Variants in CD2AP observed in about 807,000 individuals in gnomAD.
CD2AP encodes CD2-associated protein.
A neutral mutation model predicts 85.1 loss-of-function variants in CD2AP; 46 were observed. The observed-to-expected ratio is 0.54, with a 90% CI of 0.43 to 0.69. CD2AP has a LOEUF of 0.69. Among genes scored for constraint, CD2AP ranks in the 30% least tolerant of loss-of-function variants. CD2AP has a pLI of 0.00. For synonymous variants in CD2AP, 255 were observed against 252.9 expected, an observed-to-expected ratio of 1.01 and a Z score of -0.08; for missense variants, 769 against 729.5, an observed-to-expected ratio of 1.05 and a Z score of -0.62.
intron 2 of CD2AP, among the ~76,000 whole-genome samples, chr6:47,521,069 T>G (rs190868590): frequency 1.4e-4 from 22 of 152,178 alleles, no homozygotes; most frequent in African/African-American, 3.9e-4. Flanking sequence ...TTTTTACATA[T>G]GTAAGGTCCA....
chr6:47,514,942 C>T (rs558652595), intron 2 of CD2AP, among the ~76,000 whole-genome samples: 1 of 151,914 alleles, frequency 6.6e-6, no homozygotes, highest in African/African-American at 2.4e-5. Context: ...ATCCCAGCTA[C>T]TCGGGAGGCT....
chr6:47,487,892 T>C (rs374537627), intron 1 of CD2AP, among the ~76,000 whole-genome samples: 1 of 152,168 alleles, frequency 6.6e-6, no homozygotes, highest in Non-Finnish European at 1.5e-5. Flanking sequence ...AGTAATACTT[T>C]AATTTGGAGT....
rs571639828 is a variant in CD2AP, at chr6:47,567,837, A to G, written c.542-6227A>G. Among the ~76,000 whole-genome samples the G allele has an allele frequency of 2.0e-5, 3 of 152,354 alleles. No individual in the cohort carries two copies. In the South Asian group the frequency reaches 6.2e-4, roughly 32 times the overall value. ...AAAACATTACAAAAGTGTTAATCAA[A>G]TCACAGAGAAGCCATAGAGCAAAAT... On this transcript the variant is annotated intron_variant, in intron 5 of 17. Transcript: ENST00000359314.
chr6:47,611,142 A>G (rs1443809848), intron 16 of CD2AP, among the ~76,000 whole-genome samples: 2 of 150,408 alleles, frequency 1.3e-5, no homozygotes, highest in Non-Finnish European at 3.0e-5. Flanking sequence ...ATATTAATAG[A>G]GAAATACTAC....
intron 16 of CD2AP, among the ~76,000 whole-genome samples, chr6:47,610,967 ATGTATT>A (rs1425523664): frequency 1.3e-5 from 1 of 77,330 alleles, no homozygotes; most frequent in African/African-American, 5.6e-5. Context: ...ATATATATAT[ATGTATT>A]TTTTTTTTTT....
chr6:47,566,599 C>G (rs191430401), intron 5 of CD2AP, among the ~76,000 whole-genome samples: 1 of 151,988 alleles, frequency 6.6e-6, no homozygotes, highest in African/African-American at 2.4e-5. Context: ...GACCCATCCT[C>G]TCAATTCTCC....
chr6:47,499,953 T>C (rs1239161360), intron 1 of CD2AP, among the ~76,000 whole-genome samples: 4 of 152,154 alleles, frequency 2.6e-5, no homozygotes, highest in Admixed American at 2.0e-4. Flanking sequence ...GGTCTCGAAC[T>C]CCTGACCTCA....
chr6:47,552,557 T>C (rs1022225460), intron 4 of CD2AP, among the ~76,000 whole-genome samples: 2 of 152,174 alleles, frequency 1.3e-5, no homozygotes, highest in African/African-American at 4.8e-5. Flanking sequence ...CACTTGTTGA[T>C]TGATGGGCAT....
chr6:47,486,180 G>A (rs1765559794), intron 1 of CD2AP, among the ~76,000 whole-genome samples: 2 of 152,118 alleles, frequency 1.3e-5, no homozygotes, highest in African/African-American at 2.4e-5. Flanking sequence ...AATGCTTGGG[G>A]GTTTAGGATA....
chr6:47,599,560 A>C, intron 13 of CD2AP, 117 bp downstream of exon 13: 1 of 941,484 alleles, frequency 1.1e-6, no homozygotes, highest in East Asian at 2.6e-5. Context: ...TTGAAATTAC[A>C]CAGTTGAAAT....
chr6:47,529,183 G>C (rs1766804778), intron 2 of CD2AP, among the ~76,000 whole-genome samples: 1 of 60,142 alleles, frequency 1.7e-5, no homozygotes, highest in African/African-American at 8.8e-5. Flanking sequence ...CTCTAGTACT[G>C]CCCCCCCCCC....
At chr6:47,506,827 G>C (rs998701877) in intron 2 of CD2AP, among the ~76,000 whole-genome samples, 3 of 147,068 alleles carry the variant, frequency 2.0e-5, no homozygotes, top group African/African-American at 7.7e-5. Flanking sequence ...GAGAGGGAGA[G>C]GGAGAGGGAG....
At chr6:47,518,205 T>C (rs889385177) in intron 2 of CD2AP, among the ~76,000 whole-genome samples, 2 of 152,164 alleles carry the variant, frequency 1.3e-5, no homozygotes, top group African/African-American at 4.8e-5. Context: ...ATTTAAAAAA[T>C]CAGAATACTG....
At chr6:47,579,124 G>GCAC (rs1466083398) in intron 8 of CD2AP, among the ~76,000 whole-genome samples, 3 of 152,104 alleles carry the variant, frequency 2.0e-5, no homozygotes, top group Non-Finnish European at 4.4e-5. Context: ...TTCCAGCCAG[G>GCAC]CACAGTGGCT....
chr6:47,582,212 GAGT>G, intron 11 of CD2AP, 147 bp downstream of exon 11: 1 of 630,178 alleles, frequency 1.6e-6, no homozygotes, highest in Non-Finnish European at 2.9e-6. Flanking sequence ...TTCTGGGAGG[GAGT>G]AGTTCATTTC....
At chr6:47,546,917 G>A (rs189167738) in intron 4 of CD2AP, among the ~76,000 whole-genome samples, 1 of 152,204 alleles carries the variant, frequency 6.6e-6, no homozygotes, top group East Asian at 1.9e-4. Flanking sequence ...TTTGTATCCA[G>A]CAAAACTTAG....
Position 47,562,845 on chromosome 6 carries a change from C to T in CD2AP, c.541+8079C>T. 11 of 963,168 alleles carry T rather than the reference C, an allele frequency of 1.1e-5. No individual in the cohort carries two copies. The South Asian group carries it at 1.4e-4, about 12-fold the overall frequency. 59.7% of individuals were successfully genotyped at this position (963,168 alleles called of 1,614,324 possible). ...CCCTTGGTGCTGAACACCAAATCAACCTAATGAAGGTTGATGACAACAAGC... is the reference window on the plus strand; with the variant it reads ...CCCTTGGTGCTGAACACCAAATCAATCTAATGAAGGTTGATGACAACAAGC... On this transcript the variant is annotated intron_variant, in intron 5 of 17. Coordinates refer to ENST00000359314, the MANE Select transcript of CD2AP (RefSeq NM_012120.3).
chr6:47,528,888 G>A (rs1457573547), intron 2 of CD2AP, among the ~76,000 whole-genome samples: 1 of 151,988 alleles, frequency 6.6e-6, no homozygotes, highest in Non-Finnish European at 1.5e-5. Context: ...ATATTTCTTT[G>A]TATATCTCAA....
intron 13 of CD2AP, among the ~76,000 whole-genome samples, chr6:47,604,237 C>G (rs1373818771): frequency 6.6e-6 from 1 of 151,968 alleles, no homozygotes; most frequent in African/African-American, 2.4e-5. Context: ...ATTGTTATCC[C>G]TCTTAGGTAA....
Sources: gnomAD v4.1 joint callset for allele counts (sites outside exome capture counted in the v4.1 genomes callset) on GRCh38, gnomAD v4.1.1 for gene constraint, MANE v1.5 for transcripts, NCBI Gene and HGNC (gene_info 2026-07-23, HGNC 2026-07-21) for gene names.